USP18: variants seen among roughly 807,000 people sequenced by gnomAD.
USP18 encodes the protein ubiquitin specific peptidase 18, also known as ubl carboxyl-terminal hydrolase 18.
In USP18, 11 loss-of-function variants were observed where a neutral mutation model predicts 48.7. The ratio of observed to expected loss-of-function variants is 0.23; its 90% CI spans 0.14 to 0.37. The LOEUF is 0.37. USP18 is among the 10% of genes least tolerant of loss of function. USP18 has a pLI of 1.00. For synonymous variants in USP18, 114 were observed against 163.2 expected, an observed-to-expected ratio of 0.70 and a Z score of 2.30; for missense variants, 285 against 436.4, an observed-to-expected ratio of 0.65 and a Z score of 3.09.
intron 6 of USP18, among the ~76,000 whole-genome samples, chr22:18,169,530 C>T (rs962857533): frequency 1.3e-5 from 2 of 152,166 alleles, no homozygotes; most frequent in Non-Finnish European, 2.9e-5. Context: ...GAACTGAGAT[C>T]GCGCCCCTGC....
Position 18,157,613 on chromosome 22 carries a change from C to A in USP18, c.-51C>A, listed in dbSNP as rs752067788. On this transcript the variant is annotated 5_prime_UTR_variant, in exon 2 of 11. Transcript: ENST00000215794. ...CTTCCTGGAAGTGAAGTCGTGCTGT[C>A]CTGAACGCGGGCCAGGCAGCTGCGG... 1.9e-6 allele frequency: 3 copies of A among 1,612,002 alleles called. No individual in the cohort carries two copies. Among genetic ancestry groups the A allele is most frequent in the Admixed American group, 1.7e-5 (1 of 59,908 alleles).
intron 1 of USP18, among the ~76,000 whole-genome samples, chr22:18,153,099 GGTT>G (rs1287196598): frequency 2.6e-5 from 4 of 152,168 alleles, no homozygotes; most frequent in Non-Finnish European, 4.4e-5. Context: ...AAGAAAAAGA[GGTT>G]GTTGTTATCT....
intron 2 of USP18, among the ~76,000 whole-genome samples, chr22:18,158,052 G>A (rs1569209236): frequency 6.6e-6 from 1 of 152,174 alleles, no homozygotes; most frequent in South Asian, 2.1e-4. Context: ...CAGTTTGGGA[G>A]GCCGTGGCAA....
rs1207921156 is a variant in USP18 at position 18,157,546 on chromosome 22, G to A, written c.-106-12G>A. 6.6e-6 allele frequency: 9 copies of A among 1,357,114 alleles called. No individual in the cohort carries two copies. The highest frequency in any genetic ancestry group is 2.9e-5 in the African/African-American group (2 of 68,796). The allele number at this position is 1,357,114 out of a possible 1,614,324, so 84.1% of individuals were successfully genotyped here. On this transcript the variant is annotated splice_polypyrimidine_tract_variant and intron_variant, in intron 1 of 10. Coordinates refer to ENST00000215794, the MANE Select transcript of USP18 (RefSeq NM_017414.4). ...TCTCTAATTCTTGCCTACCCGCATT[G>A]TATTTTCACAGAGATTCCATCGTGC...
At chr22:18,167,066 T>C (rs2061394609) in intron 4 of USP18, among the ~76,000 whole-genome samples, 189 bp from the exon 5 acceptor site, 1 of 152,194 alleles carries the variant, frequency 6.6e-6, no homozygotes, top group African/African-American at 2.4e-5. Flanking sequence ...AGAGGCGTTC[T>C]CAAAAATCAA....
chr22:18,164,041 C>T (rs555358956), intron 4 of USP18, among the ~76,000 whole-genome samples: 1 of 152,392 alleles, frequency 6.6e-6, no homozygotes, highest in South Asian at 2.1e-4. Flanking sequence ...CACACTCCTT[C>T]ACGCATTGTT....
At chr22:18,153,034 G>A (rs1045736841) in intron 1 of USP18, among the ~76,000 whole-genome samples, 1 of 152,176 alleles carries the variant, frequency 6.6e-6, no homozygotes, top group Non-Finnish European at 1.5e-5. Context: ...GTCCTCCTAG[G>A]CTGGGCCTTG....
intron 8 of USP18, among the ~76,000 whole-genome samples, chr22:18,172,543 G>C (rs1169622396): frequency 6.6e-6 from 1 of 151,078 alleles, no homozygotes. Flanking sequence ...TTTCCTTGCA[G>C]TTGATTTGGT....
chr22:18,169,825 G>A lies in USP18; in HGVS notation c.628-19G>A, dbSNP rs1402937761. Reference sequence around the variant, plus strand: ...GAAATACCAACGCTGCTTTTTCCCTGTTCTCTTGGGTGGGACAGGAGGACG... The same window carrying A: ...GAAATACCAACGCTGCTTTTTCCCTATTCTCTTGGGTGGGACAGGAGGACG... On this transcript the variant is annotated intron_variant, in intron 6 of 10. Transcript: ENST00000215794. 2 of 1,565,850 alleles carry A rather than the reference G, an allele frequency of 1.3e-6. No individual in the cohort carries two copies. The highest frequency in any genetic ancestry group is 3.7e-5 in the Admixed American group (2 of 53,732).
rs1303115281 is a variant in USP18 at position 18,167,910 on chromosome 22, G to C, written c.501G>C (p.Leu167=). ...TGCAGGTGGAGAGACTGCAGGCCCT[G>C]TATACGATCCGGGTGAAGGACTCCT... The part of the protein sequence containing the change: ...DVHLVERLQA[L]YTIRVKDSLI... Residue 167 remains leucine (L), a synonymous_variant, in exon 6 of 11, where the codon CTG becomes CTC. Transcript: ENST00000215794. 2 of 1,613,920 alleles carry C rather than the reference G, an allele frequency of 1.2e-6. No homozygotes were observed. The highest frequency in any genetic ancestry group is 2.2e-5 in the East Asian group (1 of 44,860).
chr22:18,171,425 T>C (rs1370341258), intron 8 of USP18, among the ~76,000 whole-genome samples: 1 of 138,110 alleles, frequency 7.2e-6, no homozygotes, highest in Non-Finnish European at 1.5e-5. Context: ...AGCCCAGGAG[T>C]TCGAGACCAG....
chr22:18,164,295 A>G (rs1400589353), intron 4 of USP18, among the ~76,000 whole-genome samples: 1 of 151,822 alleles, frequency 6.6e-6, no homozygotes, highest in Non-Finnish European at 1.5e-5. Flanking sequence ...GGGAGAAAGT[A>G]GGAGCCGGGC....
At chr22:18,164,376 C>T (rs1337616326) in intron 4 of USP18, among the ~76,000 whole-genome samples, 1 of 152,002 alleles carries the variant, frequency 6.6e-6, no homozygotes, top group Non-Finnish European at 1.5e-5. Context: ...GTGGGACTTA[C>T]AAATACAGAG....
At chr22:18,152,008 CCG>C (rs1418058612) in intron 1 of USP18, among the ~76,000 whole-genome samples, 2 of 152,052 alleles carry the variant, frequency 1.3e-5, no homozygotes, top group African/African-American at 4.8e-5. Context: ...GAGCCAAGAT[CCG>C]GCCACTGCAC....
At chr22:18,153,869 A>G (rs1257328872) in intron 1 of USP18, among the ~76,000 whole-genome samples, 1 of 151,986 alleles carries the variant, frequency 6.6e-6, no homozygotes, top group African/African-American at 2.4e-5. Context: ...AGGCTCATCC[A>G]TGTTGATGGG....
chr22:18,166,997 C>A (rs546571211), intron 4 of USP18, among the ~76,000 whole-genome samples: 9 of 152,096 alleles, frequency 5.9e-5, no homozygotes, highest in Admixed American at 4.6e-4. Context: ...CCTTGGCCTC[C>A]CGAAGTGTTA....
chr22:18,174,515 C>G lies in USP18; in HGVS notation c.1073+673C>G, dbSNP rs565959026. ...AAAGTGCTGGGATTACAGGCATGAG[C>G]CACCACACCTGGCCTTCTTATATGC... On this transcript the variant is annotated intron_variant, in intron 10 of 10. Transcript: ENST00000215794. Among the ~76,000 whole-genome samples the G allele has an allele frequency of 2.0e-5, 3 of 152,314 alleles. No individual in the cohort carries two copies. In the South Asian group the frequency reaches 6.2e-4, roughly 32 times the overall value.
Position 18,161,841 on chromosome 22 carries a change from G to C in USP18, c.306G>C (p.Gln102His). ...ADEQRRSVPF[Q>H]MLLLLEKMQD... Reference sequence around the variant, plus strand: ...AGCAGAGGAGAAGCGTCCCTTTCCAGATGCTTCTGCTGCTGGAGAAGATGC... The same window carrying C: ...AGCAGAGGAGAAGCGTCCCTTTCCACATGCTTCTGCTGCTGGAGAAGATGC... The change falls in exon 4 of 11, where the codon CAG (glutamine) becomes CAC (histidine). Residue 102 changes from glutamine to histidine, a missense_variant. Around this residue, in one of 5 missense-constraint regions of USP18, gnomAD observed 199 missense variants for 239.6 expected, o/e 0.83. Transcript: ENST00000215794. 4 of 1,613,296 alleles carry C rather than the reference G, an allele frequency of 2.5e-6. No individual in the cohort carries two copies. The highest frequency in any genetic ancestry group is 3.4e-6 in the Non-Finnish European group (4 of 1,179,850).
At position 18,173,799 on chromosome 22, in the gene USP18, T is replaced by C; in HGVS notation, c.1030T>C (p.Trp344Arg). 1.9e-6 allele frequency: 3 copies of C among 1,608,042 alleles called. No individual in the cohort carries two copies. The highest frequency in any genetic ancestry group is 1.7e-6 in the Non-Finnish European group (2 of 1,175,994). The change falls in exon 10 of 11, where the codon TGG becomes CGG. Residue 344 changes from tryptophan (W) to arginine (R), a missense_variant. By Grantham distance (101) the Trp-to-Arg change is moderately radical. Coordinates refer to ENST00000215794, the MANE Select transcript of USP18 (RefSeq NM_017414.4). ...FNDSNICLVS[W>R]EDIQCTYGNP... ...ATTTGTTTCTGGCTTCCAGGTGTCC[T>C]GGGAAGACATCCAGTGTACCTACGG... is the stretch of plus-strand genomic sequence containing the variant.
Sources: allele counts gnomAD v4.1 joint callset (sites outside exome capture counted in the v4.1 genomes callset), GRCh38; gene constraint gnomAD v4.1.1; regional missense constraint gnomAD v4.1.1; transcripts MANE v1.5; gene names NCBI Gene and HGNC (gene_info 2026-07-23, HGNC 2026-07-21).